KCNIP4: variants seen among roughly 807,000 people sequenced by gnomAD.
The protein encoded by KCNIP4 is potassium voltage-gated channel interacting protein 4.
In KCNIP4, 12 loss-of-function variants were observed where a neutral mutation model predicts 34.0. The observed-to-expected ratio is 0.35, with a 90% CI of 0.23 to 0.57. The LOEUF (loss-of-function observed/expected upper bound fraction) is 0.57. Among genes scored for constraint, KCNIP4 ranks in the 20% least tolerant of loss-of-function variants. KCNIP4 has a pLI of 0.83. For missense variants in KCNIP4, 238 were observed against 311.7 expected, an observed-to-expected ratio of 0.76 and a Z score of 1.78; for synonymous variants, 124 against 102.2, an observed-to-expected ratio of 1.21 and a Z score of -1.29.
intron 1 of KCNIP4, among the ~76,000 whole-genome samples, chr4:21,401,915 C>T (rs532084151): frequency 3.9e-4 from 60 of 152,228 alleles, no homozygotes; most frequent in Admixed American, 1.0e-3. Flanking sequence ...TACCTCTAGC[C>T]CCTGATGTTT....
chr4:21,582,937 A>G (rs1741344078), intron 1 of KCNIP4, among the ~76,000 whole-genome samples: 1 of 151,916 alleles, frequency 6.6e-6, no homozygotes, highest in Non-Finnish European at 1.5e-5. Flanking sequence ...AGATCATAGC[A>G]TTTTTAGTTT....
At chr4:21,783,846 T>C (rs140362886) in intron 1 of KCNIP4, among the ~76,000 whole-genome samples, 2,704 of 152,206 alleles carry the variant, frequency 0.018, 75 homozygotes, top group African/African-American at 0.061. Context: ...ACATCAGTTT[T>C]GCACATATCA....
At chr4:21,448,248 A>G (rs2109734136) in intron 1 of KCNIP4, among the ~76,000 whole-genome samples, 1 of 152,294 alleles carries the variant, frequency 6.6e-6, no homozygotes, top group East Asian at 1.9e-4. Context: ...TGAGGAGTAC[A>G]ATAGAGAAAG....
rs114572787 is a variant in KCNIP4, at chr4:21,728,350, C to G, written c.61+220221G>C. Among the ~76,000 whole-genome samples, 634 of 152,250 alleles carry G rather than the reference C, an allele frequency of 4.2e-3. 5 individuals carry two copies. The highest frequency in any genetic ancestry group is 0.015 in the African/African-American group (610 of 41,544). The stretch of plus-strand genomic sequence containing the variant: ...AAGGCGTTTTCCTCCCACTCCACAT[C>G]GAGTCCATCAGCAAATGGTGTTGGC... On this transcript the variant is annotated intron_variant, in intron 1 of 8. Coordinates refer to ENST00000382152, the MANE Select transcript of KCNIP4 (RefSeq NM_025221.6).
chr4:21,459,517 A>G (rs1729261951), intron 1 of KCNIP4, among the ~76,000 whole-genome samples: 2 of 151,938 alleles, frequency 1.3e-5, no homozygotes, highest in Admixed American at 1.3e-4. Flanking sequence ...TGGCTTTATG[A>G]TTAACACTGA....
At chr4:20,879,629 G>A (rs891116619) in intron 2 of KCNIP4, among the ~76,000 whole-genome samples, 17 of 152,186 alleles carry the variant, frequency 1.1e-4, no homozygotes, top group East Asian at 9.6e-4. Flanking sequence ...TAATGCTTTC[G>A]TTTGAGGCAC....
intron 1 of KCNIP4, among the ~76,000 whole-genome samples, chr4:21,753,414 T>C (rs1453587147): frequency 6.6e-6 from 1 of 152,192 alleles, no homozygotes; most frequent in East Asian, 1.9e-4. Context: ...TCATGGAAGA[T>C]ACCATGTTTA....
chr4:21,090,288 T>TACC (rs1316654517), intron 1 of KCNIP4, among the ~76,000 whole-genome samples: 2 of 152,216 alleles, frequency 1.3e-5, no homozygotes, highest in African/African-American at 4.8e-5. Context: ...CAGTGCCATA[T>TACC]ACCACAGTGT....
intron 1 of KCNIP4, among the ~76,000 whole-genome samples, chr4:21,725,663 G>C (rs1420221888): frequency 6.6e-6 from 1 of 152,028 alleles, no homozygotes; most frequent in African/African-American, 2.4e-5. Context: ...CTCTGTAACT[G>C]AAAATAGAGG....
At chr4:20,879,689 A>G (rs1057052260) in intron 2 of KCNIP4, among the ~76,000 whole-genome samples, 1 of 152,196 alleles carries the variant, frequency 6.6e-6, no homozygotes, top group African/African-American at 2.4e-5. Context: ...TGACTATAAA[A>G]GGTATATAAT....
intron 1 of KCNIP4, among the ~76,000 whole-genome samples, chr4:20,890,004 C>T (rs1050831350): frequency 6.6e-6 from 1 of 151,992 alleles, no homozygotes; most frequent in Admixed American, 6.6e-5. Flanking sequence ...ACAGTGGCTA[C>T]ATAGAAAAAA....
intron 1 of KCNIP4, among the ~76,000 whole-genome samples, chr4:21,896,850 T>C (rs991785486): frequency 2.0e-5 from 3 of 151,662 alleles, no homozygotes; most frequent in African/African-American, 7.3e-5. Context: ...ACCCGGGAGA[T>C]GGAGGGTGCA....
chr4:21,494,788 A>AC (rs1313715953), intron 1 of KCNIP4, among the ~76,000 whole-genome samples: 1 of 96,470 alleles, frequency 1.0e-5, no homozygotes, highest in Non-Finnish European at 2.8e-5. Flanking sequence ...AAAAAAAAAA[A>AC]AAATTAGTAA....
chr4:20,791,373 G>C (rs560020005), intron 3 of KCNIP4, among the ~76,000 whole-genome samples: 1 of 152,208 alleles, frequency 6.6e-6, no homozygotes, highest in Admixed American at 6.5e-5. Context: ...AATGAAAGTA[G>C]TAATCACATG....
chr4:21,759,946 CTTCT>C (rs1361423010), intron 1 of KCNIP4, among the ~76,000 whole-genome samples: 1 of 151,998 alleles, frequency 6.6e-6, no homozygotes, highest in Non-Finnish European at 1.5e-5. Context: ...TGTCTTTGCT[CTTCT>C]TTCTATTTTC....
intron 1 of KCNIP4, among the ~76,000 whole-genome samples, chr4:21,810,150 G>A (rs557524988): frequency 7.3e-4 from 111 of 152,286 alleles, no homozygotes; most frequent in African/African-American, 2.6e-3. Context: ...AGACTGCTGA[G>A]CCTGTTAGGA....
intron 1 of KCNIP4, among the ~76,000 whole-genome samples, chr4:21,662,487 T>G (rs960723123): frequency 6.6e-6 from 1 of 152,294 alleles, no homozygotes; most frequent in African/African-American, 2.4e-5. Context: ...GAAATGCATA[T>G]CCCATTAAAA....
At chr4:21,157,293 A>G (rs1753209692) in intron 1 of KCNIP4, among the ~76,000 whole-genome samples, 1 of 152,212 alleles carries the variant, frequency 6.6e-6, no homozygotes, top group South Asian at 2.1e-4. Context: ...CTCCAAAGAT[A>G]CAATAAACAA....
intron 1 of KCNIP4, among the ~76,000 whole-genome samples, chr4:21,350,606 C>T (rs1057237081): frequency 2.6e-5 from 4 of 152,198 alleles, no homozygotes; most frequent in African/African-American, 7.2e-5. Context: ...CTCTAATCTA[C>T]GAGTGGAGGT....
Sources: gnomAD v4.1 joint callset for allele counts (sites outside exome capture counted in the v4.1 genomes callset) on GRCh38, gnomAD v4.1.1 for gene constraint, MANE v1.5 for transcripts, NCBI Gene and HGNC (gene_info 2026-07-23, HGNC 2026-07-21) for gene names.